Variants in RAB6B observed in about 807,000 individuals in gnomAD.
RAB6B encodes the protein ras-related protein Rab-6B.
A neutral mutation model predicts 31.2 loss-of-function variants in RAB6B; 7 were observed. The observed-to-expected ratio is 0.22, with a 90% confidence interval of 0.13 to 0.42. The LOEUF is 0.42. Among genes scored for constraint, RAB6B ranks in the 10% least tolerant of loss-of-function variants. The pLI, the probability that RAB6B is intolerant of heterozygous loss-of-function variation, is 1.00. For missense variants in RAB6B, 149 were observed against 280.6 expected, an observed-to-expected ratio of 0.53 and a Z score of 3.35; for synonymous variants, 105 against 104.9, an observed-to-expected ratio of 1.00 and a Z score of -0.01.
At chr3:133,854,407 T>A (rs1936046299) in intron 2 of RAB6B, among the ~76,000 whole-genome samples, 1 of 152,172 alleles carries the variant, frequency 6.6e-6, no homozygotes, top group African/African-American at 2.4e-5. Context: ...GAGCAGCAGG[T>A]CTGACCTTGG....
chr3:133,834,442 C>A, intron 7 of RAB6B, 133 bp downstream of exon 7: 1 of 936,934 alleles, frequency 1.1e-6, no homozygotes, highest in Non-Finnish European at 1.7e-6. Context: ...CTAGAGGAGG[C>A]CCCGTGCCAT....
chr3:133,842,980 A>G (rs1054885611), intron 2 of RAB6B, among the ~76,000 whole-genome samples: 1 of 152,260 alleles, frequency 6.6e-6, no homozygotes, highest in African/African-American at 2.4e-5. Flanking sequence ...AGAAAAGGTC[A>G]TATCTCCAGT....
In RAB6B at chr3:133,841,668, T is replaced by TA. The variant is rs1244788336; in HGVS notation, c.130-6dup. 1 of 1,613,858 alleles carries TA rather than the reference T, an allele frequency of 6.2e-7. No individual in the cohort carries two copies. The highest frequency in any genetic ancestry group is 8.5e-7 in the Non-Finnish European group (1 of 1,179,962). On this transcript the variant is annotated splice_polypyrimidine_tract_variant and splice_region_variant and intron_variant, in intron 2 of 7. Coordinates refer to ENST00000285208, the MANE Select transcript of RAB6B (RefSeq NM_016577.4). ...GAAGTCAATCCCAATGGTTGCCTGT[T>TA]AGAGAAAAGCACAGAACGGTCAAAA...
Position 133,827,756 on chromosome 3 carries a change from C to A in RAB6B, c.*1032G>T, listed in dbSNP as rs1002770662. 2.2e-5 allele frequency: 2 copies of A among 89,334 alleles called. No individual in the cohort carries two copies. The highest frequency in any genetic ancestry group is 2.7e-4 in the South Asian group (1 of 3,738). The allele number at this position is 89,334 out of a possible 1,614,324, so 5.5% of individuals were successfully genotyped here. On this transcript the variant is annotated 3_prime_UTR_variant, in exon 8 of 8. Transcript: ENST00000285208. ...GGTTCTGCAGACAACACCCCCCCCCCCCCCCGCCTCCCCATCACAGAGGAT... is the reference window on the plus strand; with the variant it reads ...GGTTCTGCAGACAACACCCCCCCCCACCCCCGCCTCCCCATCACAGAGGAT...
intron 2 of RAB6B, among the ~76,000 whole-genome samples, chr3:133,852,564 T>C (rs1400911901): frequency 6.6e-6 from 1 of 151,764 alleles, no homozygotes; most frequent in Non-Finnish European, 1.5e-5. Context: ...TCGACCTCCT[T>C]GGCACAAGCA....
intron 1 of RAB6B, among the ~76,000 whole-genome samples, chr3:133,881,418 C>A (rs1190323432): frequency 6.6e-6 from 1 of 152,180 alleles, no homozygotes; most frequent in Non-Finnish European, 1.5e-5. Flanking sequence ...CTGCTTTTGC[C>A]ACTAATCTGA....
intron 2 of RAB6B, among the ~76,000 whole-genome samples, chr3:133,858,494 T>C (rs1936113773): frequency 6.6e-6 from 1 of 152,190 alleles, no homozygotes; most frequent in Admixed American, 6.5e-5. Context: ...AATTGGCTTC[T>C]TGAGAGGCCC....
chr3:133,839,984 GCA>G (rs1328761131), intron 4 of RAB6B, among the ~76,000 whole-genome samples: 2 of 149,944 alleles, frequency 1.3e-5, no homozygotes, highest in African/African-American at 5.0e-5. Flanking sequence ...ACGTGTGTGT[GCA>G]TACACACACA....
At chr3:133,880,244 G>A (rs756258210) in intron 1 of RAB6B, among the ~76,000 whole-genome samples, 1 of 152,198 alleles carries the variant, frequency 6.6e-6, no homozygotes, top group Non-Finnish European at 1.5e-5. Context: ...TAATACCCAA[G>A]GCTTATATAC....
chr3:133,861,594 C>T (rs573803956), intron 2 of RAB6B, among the ~76,000 whole-genome samples: 5 of 152,334 alleles, frequency 3.3e-5, no homozygotes, highest in South Asian at 2.1e-4. Flanking sequence ...GGGTTAAACG[C>T]CCCCTCCCTG....
intron 6 of RAB6B, among the ~76,000 whole-genome samples, chr3:133,835,365 T>C (rs1935718579): frequency 6.6e-6 from 1 of 152,014 alleles, no homozygotes; most frequent in South Asian, 2.1e-4. Flanking sequence ...GAGTGTGGTG[T>C]GTGTGAACGT....
chr3:133,895,164 C>T (rs909534681), intron 1 of RAB6B, among the ~76,000 whole-genome samples: 1 of 152,152 alleles, frequency 6.6e-6, no homozygotes, highest in African/African-American at 2.4e-5. Context: ...ACACCCCGGG[C>T]CCCCCACCCA....
chr3:133,842,595 T>C (rs75661720), intron 2 of RAB6B, among the ~76,000 whole-genome samples: 2,472 of 152,268 alleles, frequency 0.016, 35 homozygotes, highest in Non-Finnish European at 0.024. Context: ...AAAAAATATT[T>C]AAGGATTTGG....
At chr3:133,841,176 GTGCACACACATGCGTGTGCACACACA>G (rs1037237059) in intron 4 of RAB6B, 83 bp downstream of exon 4, 3 of 738,832 alleles carry the variant, frequency 4.1e-6, no homozygotes, top group African/African-American at 4.8e-5. Flanking sequence ...ACACATGCGT[GTGCACACACATGCGTGTGCACACACA>G]TGCACACAGG....
intron 2 of RAB6B, among the ~76,000 whole-genome samples, chr3:133,847,810 C>A (rs1935926330): frequency 6.6e-6 from 1 of 152,224 alleles, no homozygotes; most frequent in South Asian, 2.1e-4. Flanking sequence ...CATTCCTCTT[C>A]TATGGCATTT....
intron 7 of RAB6B, among the ~76,000 whole-genome samples, chr3:133,829,281 T>C (rs533118170): frequency 6.6e-5 from 10 of 152,246 alleles, no homozygotes; most frequent in African/African-American, 2.2e-4. Context: ...CCTTGCCTAA[T>C]TGGCAGCAGG....
chr3:133,841,953 G>A (rs904850657), intron 2 of RAB6B, among the ~76,000 whole-genome samples: 1 of 152,208 alleles, frequency 6.6e-6, no homozygotes, highest in Non-Finnish European at 1.5e-5. Context: ...CTCCCCAGGA[G>A]CAAGGCCACT....
At chr3:133,867,406 C>G (rs1360121673) in intron 1 of RAB6B, among the ~76,000 whole-genome samples, 1 of 152,182 alleles carries the variant, frequency 6.6e-6, no homozygotes, top group South Asian at 2.1e-4. Context: ...TGCAGCAACA[C>G]TGGGTACCAT....
chr3:133,844,947 G>GAAAA (rs66909707), intron 2 of RAB6B, among the ~76,000 whole-genome samples: 1 of 145,358 alleles, frequency 6.9e-6, no homozygotes, highest in African/African-American at 2.5e-5. Context: ...TGGCTCAAAA[G>GAAAA]AAAAAAAAAA....
Sources: allele counts gnomAD v4.1 joint callset (sites outside exome capture counted in the v4.1 genomes callset), GRCh38; gene constraint gnomAD v4.1.1; transcripts MANE v1.5; gene names NCBI Gene and HGNC (gene_info 2026-07-23, HGNC 2026-07-21).